Variants in SPARCL1 observed in about 807,000 individuals in gnomAD.
The protein encoded by SPARCL1 is SPARC like 1.
SPARCL1 carries 52 observed loss-of-function variants against 67.1 expected under a neutral mutation model. The observed-to-expected ratio is 0.78, with a 90% CI of 0.62 to 0.98. SPARCL1 has a LOEUF of 0.98. Ranked by LOEUF, SPARCL1 falls within the 50% of genes least tolerant of loss-of-function variation. SPARCL1 has a pLI of 0.00. For synonymous variants in SPARCL1, 226 were observed against 267.8 expected (o/e 0.84, Z 1.52); for missense variants, 717 against 782.4 (o/e 0.92, Z 1.00).
In SPARCL1 at chr4:87,497,972, C is replaced by T. The variant is rs947091649; in HGVS notation, c.54+1549G>A. Among the ~76,000 whole-genome samples the T allele has an allele frequency of 5.3e-5, 8 of 152,140 alleles. No individual in the cohort carries two copies. In the South Asian group the frequency reaches 6.2e-4, roughly 12 times the overall value. On this transcript the variant is annotated intron_variant, in intron 2 of 10. Coordinates refer to ENST00000282470, the MANE Select transcript of SPARCL1 (RefSeq NM_004684.6). The stretch of plus-strand genomic sequence containing the variant: ...CGTGGCCTCACTATGTTACCCAGGC[C>T]GGTCTTGAACTCTTGGGCTCAAGCG...
At chr4:87,475,977 G>A (rs148262918) in intron 10 of SPARCL1, among the ~76,000 whole-genome samples, 110 of 152,318 alleles carry the variant, frequency 7.2e-4, no homozygotes, top group African/African-American at 2.1e-3. Flanking sequence ...ATCAATGTAG[G>A]TGCCCATCAG....
intron 10 of SPARCL1, among the ~76,000 whole-genome samples, chr4:87,476,521 G>C (rs986013141): frequency 6.6e-6 from 1 of 152,096 alleles, no homozygotes; most frequent in Non-Finnish European, 1.5e-5. Flanking sequence ...TGGCTTGTTT[G>C]AAACACTTTG....
At chr4:87,527,417 A>G (rs1467655103) in intron 1 of SPARCL1, among the ~76,000 whole-genome samples, 1 of 152,178 alleles carries the variant, frequency 6.6e-6, no homozygotes, top group Non-Finnish European at 1.5e-5. Context: ...CGGTAGAAAA[A>G]TGTTCCCAAC....
intron 2 of SPARCL1, among the ~76,000 whole-genome samples, chr4:87,497,954 T>A (rs1247733217): frequency 1.3e-5 from 2 of 152,172 alleles, no homozygotes; most frequent in Non-Finnish European, 2.9e-5. Context: ...AGACGTGGCC[T>A]CACTATGTTA....
rs71667857 is a variant in SPARCL1 at position 87,508,782 on chromosome 4, ATGTG to A, written c.-11-9201_-11-9198del. 2.5e-3 allele frequency among the ~76,000 whole-genome samples: 357 copies of A among 140,106 alleles called. 1 individual carries two copies. Among genetic ancestry groups the A allele is most frequent in the Admixed American group, 3.7e-3 (50 of 13,664 alleles). 91.9% of individuals were successfully genotyped at this position (140,106 alleles called of 152,430 possible). A position where few individuals can be genotyped will look rare whatever the true frequency, so the allele number is the denominator to read the frequency against. On this transcript the variant is annotated intron_variant, in intron 1 of 10. Transcript: ENST00000282470. The stretch of plus-strand genomic sequence containing the variant: ...GAGACAGGAACCGTGGATGAAACAT[ATGTG>A]TGTGTGTGTGTGTGTGTGTGTGTGT...
intron 2 of SPARCL1, among the ~76,000 whole-genome samples, chr4:87,499,089 T>A (rs1724741304): frequency 6.6e-6 from 1 of 152,190 alleles, no homozygotes; most frequent in South Asian, 2.1e-4. Flanking sequence ...TTGGCCAGGC[T>A]GGTCTTGAGC....
chr4:87,474,361 TTATC>T (rs1225982826), intron 10 of SPARCL1, among the ~76,000 whole-genome samples: 2 of 151,638 alleles, frequency 1.3e-5, no homozygotes, highest in African/African-American at 2.4e-5. Context: ...CTAATAATCT[TTATC>T]TAGCCCAGAG....
intron 7 of SPARCL1, among the ~76,000 whole-genome samples, chr4:87,488,196 A>G (rs1304449977): frequency 6.6e-6 from 1 of 152,158 alleles, no homozygotes; most frequent in Admixed American, 6.5e-5. Context: ...TGGAATTTTC[A>G]GGCTTTTTGT....
chr4:87,477,227 C>T (rs747945065), intron 10 of SPARCL1, among the ~76,000 whole-genome samples: 1 of 152,194 alleles, frequency 6.6e-6, no homozygotes, highest in Non-Finnish European at 1.5e-5. Context: ...AAAATGGCCT[C>T]TGTTTAAATT....
chr4:87,515,421 C>T (rs1274554058), intron 1 of SPARCL1, among the ~76,000 whole-genome samples: 1 of 152,220 alleles, frequency 6.6e-6, no homozygotes, highest in Non-Finnish European at 1.5e-5. Context: ...TTGAAACATG[C>T]ATAAGGCAGA....
At position 87,488,900 on chromosome 4, in the gene SPARCL1, C is replaced by T. The variant is rs146684629; in HGVS notation, c.1531+1373G>A. On this transcript the variant is annotated intron_variant, in intron 7 of 10. Transcript: ENST00000282470. Reference sequence around the variant, plus strand: ...TTTGTTTACACTGTGAAGGGAAAACCGCCAACTCAAGCCTCAGTAATGGTG... The same window carrying T: ...TTTGTTTACACTGTGAAGGGAAAACTGCCAACTCAAGCCTCAGTAATGGTG... Among the ~76,000 whole-genome samples, 44 of 151,384 alleles carry T rather than the reference C, an allele frequency of 2.9e-4. 1 individual carries two copies. The highest frequency in any genetic ancestry group is 2.5e-3 in the East Asian group (13 of 5,174).
At chr4:87,507,623 G>A (rs1725151984) in intron 1 of SPARCL1, among the ~76,000 whole-genome samples, 1 of 152,188 alleles carries the variant, frequency 6.6e-6, no homozygotes, top group African/African-American at 2.4e-5. Flanking sequence ...AAATGTGGGA[G>A]ATTTTTTGTC....
chr4:87,515,454 A>G (rs1373249417), intron 1 of SPARCL1, among the ~76,000 whole-genome samples: 1 of 152,230 alleles, frequency 6.6e-6, no homozygotes, highest in Non-Finnish European at 1.5e-5. Context: ...AACCCCAATA[A>G]TGAATAATTC....
intron 6 of SPARCL1, 91 bp downstream of exon 6, chr4:87,490,669 C>T: frequency 2.1e-6 from 2 of 945,546 alleles, no homozygotes; most frequent in East Asian, 5.0e-5. Context: ...AGGTATCTAC[C>T]TTTTTTAAGC....
At chr4:87,524,506 T>G (rs4693833) in intron 1 of SPARCL1, among the ~76,000 whole-genome samples, 59,410 of 152,058 alleles carry the variant, frequency 0.39, 13,343 homozygotes, top group East Asian at 0.6. Context: ...TAAAAAAGTA[T>G]AAAAGAATGG....
intron 8 of SPARCL1, 35 bp downstream of exon 8, chr4:87,482,389 C>A (rs1262927796): frequency 6.2e-7 from 1 of 1,606,682 alleles, no homozygotes; most frequent in Non-Finnish European, 8.5e-7. Context: ...GCCCTGTAGA[C>A]AGACATTGAA....
At chr4:87,502,635 T>G (rs1724898156) in intron 1 of SPARCL1, among the ~76,000 whole-genome samples, 1 of 152,048 alleles carries the variant, frequency 6.6e-6, no homozygotes, top group Non-Finnish European at 1.5e-5. Context: ...GAAAATTTCC[T>G]CTGCACCCTG....
chr4:87,485,707 G>C (rs1258609138), intron 7 of SPARCL1, among the ~76,000 whole-genome samples: 5 of 151,824 alleles, frequency 3.3e-5, no homozygotes, highest in African/African-American at 4.8e-5. Flanking sequence ...AGCTTTTTTT[G>C]GTTGGTAGGC....
At chr4:87,494,656 C>G in intron 3 of SPARCL1, 58 bp from the exon 4 acceptor site, 1 of 1,326,894 alleles carries the variant, frequency 7.5e-7, no homozygotes. Context: ...ATATTTATGC[C>G]TAAGGTAACA....
Sources: gnomAD v4.1 joint callset for allele counts (sites outside exome capture counted in the v4.1 genomes callset) on GRCh38, gnomAD v4.1.1 for gene constraint, MANE v1.5 for transcripts, NCBI Gene and HGNC (gene_info 2026-07-23, HGNC 2026-07-21) for gene names.